ASNS: variants seen among roughly 807,000 people sequenced by gnomAD.
ASNS encodes asparagine synthetase [glutamine-hydrolyzing].
Under a neutral mutation model 62.6 loss-of-function variants are expected in ASNS, and 37 were observed. The observed-to-expected ratio is 0.59, with a 90% CI of 0.45 to 0.78. The LOEUF (loss-of-function observed/expected upper bound fraction) is 0.78. Ranked by LOEUF, ASNS falls within the 30% of genes least tolerant of loss-of-function variation. The pLI is 0.00. For synonymous variants in ASNS, 207 were observed against 237.9 expected (o/e 0.87, Z 1.19); for missense variants, 520 against 682.4 (o/e 0.76, Z 2.65).
intron 4 of ASNS, chr7:97,863,685 A>G (rs1176672429): frequency 6.5e-6 from 1 of 152,812 alleles, no homozygotes; most frequent in Non-Finnish European, 1.5e-5. Flanking sequence ...CAAACAAACA[A>G]ACAAACAAAA....
At chr7:97,867,632 T>G (rs1190579852) in intron 3 of ASNS, among the ~76,000 whole-genome samples, 1 of 152,164 alleles carries the variant, frequency 6.6e-6, no homozygotes, top group East Asian at 1.9e-4. Flanking sequence ...ATTATTTGAC[T>G]TAGAAAAAAT....
upstream of ASNS, among the ~76,000 whole-genome samples, chr7:97,875,606 C>T (rs868842954): frequency 6.6e-6 from 1 of 152,330 alleles, no homozygotes; most frequent in Admixed American, 6.5e-5. Context: ...ATCATAGAGC[C>T]TCTTAACACT....
the ASNS span, among the ~76,000 whole-genome samples, chr7:97,915,851 A>G: frequency 6.6e-6 from 1 of 152,354 alleles, no homozygotes; most frequent in East Asian, 1.9e-4. Flanking sequence ...AGGACTTGCA[A>G]GAAATCGAGA....
upstream of ASNS, among the ~76,000 whole-genome samples, chr7:97,872,723 GC>G (rs1792347265): frequency 6.6e-6 from 1 of 152,100 alleles, no homozygotes; most frequent in Non-Finnish European, 1.5e-5. Context: ...TTGTTGCACT[GC>G]CGTCTGATTT....
At chr7:97,858,069 T>C (rs1396118640) in intron 7 of ASNS, among the ~76,000 whole-genome samples, 2 of 152,184 alleles carry the variant, frequency 1.3e-5, no homozygotes, top group South Asian at 2.1e-4. Flanking sequence ...GAGAATTGCA[T>C]GGGTCATAAC....
chr7:97,920,921 C>T, the ASNS span, among the ~76,000 whole-genome samples: 2 of 152,200 alleles, frequency 1.3e-5, no homozygotes, highest in African/African-American at 4.8e-5. Context: ...CTCAGAGTGG[C>T]AGCGCCAAGA....
chr7:97,873,279 T>A (rs1792363567), upstream of ASNS, among the ~76,000 whole-genome samples: 2 of 152,246 alleles, frequency 1.3e-5, no homozygotes. Context: ...TAAATCGTAT[T>A]TTACTAATTA....
chr7:97,854,078 C>T (rs1429291390), intron 10 of ASNS, among the ~76,000 whole-genome samples: 1 of 152,206 alleles, frequency 6.6e-6, no homozygotes, highest in African/African-American at 2.4e-5. Flanking sequence ...GAAATGATAA[C>T]CAAAGAAACC....
chr7:97,888,438 CTG>C, the ASNS span, among the ~76,000 whole-genome samples: 3 of 151,576 alleles, frequency 2.0e-5, no homozygotes, highest in African/African-American at 7.3e-5. Context: ...GGCCCTCTGA[CTG>C]TATAAATTAA....
At position 97,856,820 on chromosome 7, in the gene ASNS, A is replaced by G. The variant is rs1445839127; in HGVS notation, c.904-4T>C. The G allele has an allele frequency of 6.3e-7, 1 of 1,596,822 alleles. No individual in the cohort carries two copies. The highest frequency in any genetic ancestry group is 1.1e-5 in the South Asian group (1 of 88,276). On this transcript the variant is annotated splice_polypyrimidine_tract_variant and splice_region_variant and intron_variant, in intron 7 of 12. Coordinates refer to ENST00000394308, the MANE Select transcript of ASNS (RefSeq NM_001673.5). ...CACTTCCAATATGATCTGCCACCTT[A>G]TTATATAAAGAAATACCCATTTACT...
In ASNS at chr7:97,852,086, C is replaced by T; in HGVS notation, c.*173G>A. ...TACAGCAAAACAGTTCTAGTTACCT[C>T]TTATGAAGAGACTGCATGAACATAA... On this transcript the variant is annotated 3_prime_UTR_variant, in exon 13 of 13. Transcript: ENST00000394308. The T allele has an allele frequency of 1.4e-6, 1 of 701,158 alleles. No homozygotes were observed. The highest frequency in any genetic ancestry group is 2.3e-6 in the Non-Finnish European group (1 of 427,434). 43.4% of individuals were successfully genotyped at this position (701,158 alleles called of 1,614,324 possible).
the ASNS span, among the ~76,000 whole-genome samples, chr7:97,880,933 GT>G: frequency 1.6e-5 from 1 of 63,892 alleles, no homozygotes; most frequent in Non-Finnish European, 2.7e-5. Flanking sequence ...GTGTGTGTGT[GT>G]TTTTGTTTTG....
At chr7:97,899,153 T>G in the ASNS span, 1 of 308,538 alleles carries the variant, frequency 3.2e-6, no homozygotes, top group Non-Finnish European at 6.0e-6. Context: ...GGCTAAATTT[T>G]ATATTTTTGG....
chr7:97,870,566 A>G (rs1197641952), intron 1 of ASNS, among the ~76,000 whole-genome samples: 1 of 152,240 alleles, frequency 6.6e-6, no homozygotes, highest in Non-Finnish European at 1.5e-5. Context: ...CAATTTGGAA[A>G]TGAAGTACCA....
the ASNS span, among the ~76,000 whole-genome samples, chr7:97,888,899 G>C: frequency 6.6e-5 from 10 of 152,166 alleles, 1 homozygote; most frequent in Non-Finnish European, 1.3e-4. Context: ...TTACTACTGA[G>C]AGGCCTGAGG....
chr7:97,862,153 T>C (rs947795324), intron 4 of ASNS, among the ~76,000 whole-genome samples: 1 of 152,168 alleles, frequency 6.6e-6, no homozygotes, highest in Non-Finnish European at 1.5e-5. Context: ...ATAAACAAAT[T>C]GCATTGCATG....
chr7:97,897,434 A>G, the ASNS span, among the ~76,000 whole-genome samples: 127,274 of 152,130 alleles, frequency 0.84, 53,783 homozygotes, highest in Middle Eastern at 0.91. Context: ...CTTCTGCACA[A>G]CAAAAGAAAC....
chr7:97,911,480 A>G, the ASNS span, among the ~76,000 whole-genome samples: 1 of 147,708 alleles, frequency 6.8e-6, no homozygotes, highest in Non-Finnish European at 1.5e-5. Flanking sequence ...CATCTCTACA[A>G]AAAATAAACA....
chr7:97,921,857 A>G, the ASNS span, among the ~76,000 whole-genome samples: 1 of 152,116 alleles, frequency 6.6e-6, no homozygotes, highest in African/African-American at 2.4e-5. Flanking sequence ...ACTTAGAGTG[A>G]ATCTTTTCCC....
Sources: allele counts gnomAD v4.1 joint callset (sites outside exome capture counted in the v4.1 genomes callset), GRCh38; gene constraint gnomAD v4.1.1; transcripts MANE v1.5; gene names NCBI Gene and HGNC (gene_info 2026-07-23, HGNC 2026-07-21).